PTPRO: variants seen among roughly 807,000 people sequenced by gnomAD.
PTPRO encodes receptor-type tyrosine-protein phosphatase O.
In PTPRO, 62 loss-of-function variants were observed where a neutral mutation model predicts 145.2. The observed-to-expected ratio is 0.43, with a 90% confidence interval of 0.35 to 0.53. The LOEUF (loss-of-function observed/expected upper bound fraction) is 0.53, where lower values mean the gene tolerates loss of function less well. PTPRO is among the 20% of genes least tolerant of loss of function. PTPRO has a pLI of 0.01. For missense variants in PTPRO, 1,345 were observed against 1,482.7 expected (o/e 0.91, Z 1.53); for synonymous variants, 565 against 514.7 (o/e 1.10, Z -1.32).
At chr12:15,350,339 G>T (rs1937761624) in intron 1 of PTPRO, among the ~76,000 whole-genome samples, 1 of 152,128 alleles carries the variant, frequency 6.6e-6, no homozygotes, top group Non-Finnish European at 1.5e-5. Flanking sequence ...TCCCGTGGAA[G>T]ACCTACTATG....
Position 15,416,444 on chromosome 12 carries a change from C to G in PTPRO, c.76-67530C>G, listed in dbSNP as rs548657415. ...ACACCATTCTCCTGCCTCAGCCTCCCGAGTAGCTGGGACTACAGGCGCCCA... is the reference window on the plus strand; with the variant it reads ...ACACCATTCTCCTGCCTCAGCCTCCGGAGTAGCTGGGACTACAGGCGCCCA... On this transcript the variant is annotated intron_variant, in intron 1 of 26. Transcript: ENST00000281171. Among the ~76,000 whole-genome samples the G allele has an allele frequency of 5.2e-4, 78 of 151,324 alleles. 2 individuals carry two copies. Among genetic ancestry groups the G allele is most frequent in the African/African-American group, 1.7e-3 (69 of 40,764 alleles).
chr12:15,443,073 A>G (rs770895697), intron 1 of PTPRO, among the ~76,000 whole-genome samples: 1 of 152,178 alleles, frequency 6.6e-6, no homozygotes, highest in Non-Finnish European at 1.5e-5. Flanking sequence ...ACTTCAAACT[A>G]CACTATATGC....
chr12:15,466,039 G>A (rs1037902931), intron 1 of PTPRO, among the ~76,000 whole-genome samples: 1 of 152,110 alleles, frequency 6.6e-6, no homozygotes, highest in Admixed American at 6.6e-5. Context: ...CAAAAGTATG[G>A]TTGAAAGAAG....
rs947265739 is a variant in PTPRO at position 15,597,590 on chromosome 12, C to T, written c.*1517C>T. The stretch of plus-strand genomic sequence containing the variant: ...CCAAATGAACAGCTCTGCACCCCAC[C>T]GTCTCTTGTCACTGAAAAGGCTTGG... On this transcript the variant is annotated 3_prime_UTR_variant, in exon 27 of 27. Coordinates refer to ENST00000281171, the MANE Select transcript of PTPRO (RefSeq NM_030667.3). 2.0e-5 allele frequency among the ~76,000 whole-genome samples: 3 copies of T among 152,174 alleles called. No homozygotes were observed. The highest frequency in any genetic ancestry group is 1.3e-4 in the Admixed American group (2 of 15,274).
At chr12:15,431,352 C>T (rs1940433218) in intron 1 of PTPRO, among the ~76,000 whole-genome samples, 1 of 152,120 alleles carries the variant, frequency 6.6e-6, no homozygotes, top group Non-Finnish European at 1.5e-5. Flanking sequence ...GAAGAATTTG[C>T]CTTCAAAAAT....
rs1019211240 is a variant in PTPRO at position 15,456,112 on chromosome 12, T to G, written c.76-27862T>G. On this transcript the variant is annotated intron_variant, in intron 1 of 26. Transcript: ENST00000281171. The stretch of plus-strand genomic sequence containing the variant: ...TATAATGTTAACTTTGAGCATTTCA[T>G]GTATGTCCTTTAGTATATTGAGTTA... Among the ~76,000 whole-genome samples the G allele has an allele frequency of 1.8e-4, 27 of 152,232 alleles. 1 individual carries two copies.
At chr12:15,502,309 C>T (rs1355187049) in intron 5 of PTPRO, among the ~76,000 whole-genome samples, 3 of 152,164 alleles carry the variant, frequency 2.0e-5, no homozygotes, top group Non-Finnish European at 2.9e-5. Context: ...CAACTGTATA[C>T]ATTTGACTGC....
intron 1 of PTPRO, among the ~76,000 whole-genome samples, chr12:15,373,119 G>A (rs939827804): frequency 3.3e-5 from 5 of 152,252 alleles, no homozygotes; most frequent in East Asian, 3.9e-4. Context: ...TTACAGTACC[G>A]ATGAGATGCT....
intron 25 of PTPRO, among the ~76,000 whole-genome samples, chr12:15,590,521 G>T (rs73297735): frequency 0.065 from 9,900 of 152,112 alleles, 1,066 homozygotes; most frequent in African/African-American, 0.23. Flanking sequence ...TTCCTACCCA[G>T]CACCACTAGA....
chr12:15,490,644 T>C (rs774857309), intron 2 of PTPRO, among the ~76,000 whole-genome samples: 1 of 152,140 alleles, frequency 6.6e-6, no homozygotes, highest in Non-Finnish European at 1.5e-5. Context: ...ATATGTAATA[T>C]TGGGATAATT....
chr12:15,546,275 A>G, intron 12 of PTPRO: 8 of 1,127,334 alleles, frequency 7.1e-6, no homozygotes, highest in South Asian at 2.0e-5. Context: ...TAACTTCAGT[A>G]TAAATGACAC....
chr12:15,536,207 A>G (rs997829021), intron 12 of PTPRO, among the ~76,000 whole-genome samples: 1 of 152,218 alleles, frequency 6.6e-6, no homozygotes, highest in Non-Finnish European at 1.5e-5. Flanking sequence ...AAACATAAAT[A>G]TAAGAATGTT....
At chr12:15,500,899 G>T (rs888557673) in intron 4 of PTPRO, among the ~76,000 whole-genome samples, 7 of 152,184 alleles carry the variant, frequency 4.6e-5, no homozygotes, top group African/African-American at 1.7e-4. Flanking sequence ...TCTAGCCTGG[G>T]CAACAGAGAG....
chr12:15,463,584 A>T (rs922512233), intron 1 of PTPRO, among the ~76,000 whole-genome samples: 1 of 152,214 alleles, frequency 6.6e-6, no homozygotes, highest in African/African-American at 2.4e-5. Flanking sequence ...ACCAGAAAAG[A>T]TGCAAAATAT....
At chr12:15,530,589 A>G (rs1442693131) in intron 12 of PTPRO, among the ~76,000 whole-genome samples, 2 of 152,204 alleles carry the variant, frequency 1.3e-5, no homozygotes, top group Admixed American at 6.5e-5. Flanking sequence ...AAAAATAAAC[A>G]AACACATGGA....
chr12:15,398,196 A>G (rs1022636048), intron 1 of PTPRO, among the ~76,000 whole-genome samples: 3 of 152,220 alleles, frequency 2.0e-5, no homozygotes, highest in Non-Finnish European at 2.9e-5. Flanking sequence ...TTAGGAGCAC[A>G]TAAATAGGCT....
At chr12:15,564,505 T>C (rs1271744687) in intron 17 of PTPRO, among the ~76,000 whole-genome samples, 2 of 152,206 alleles carry the variant, frequency 1.3e-5, no homozygotes, top group African/African-American at 2.4e-5. Flanking sequence ...TAGCAAGGTG[T>C]GTACCTGCAA....
At chr12:15,481,519 A>G (rs1941778633) in intron 1 of PTPRO, among the ~76,000 whole-genome samples, 1 of 152,192 alleles carries the variant, frequency 6.6e-6, no homozygotes, top group African/African-American at 2.4e-5. Flanking sequence ...GTTCATTCTC[A>G]ATGCCTATCT....
intron 1 of PTPRO, among the ~76,000 whole-genome samples, chr12:15,408,628 A>T (rs542995715): frequency 2.0e-5 from 3 of 152,180 alleles, no homozygotes; most frequent in Non-Finnish European, 2.9e-5. Context: ...GGGTTTCACC[A>T]TGTTGGCCAG....
Sources: allele counts gnomAD v4.1 joint callset (sites outside exome capture counted in the v4.1 genomes callset), GRCh38; gene constraint gnomAD v4.1.1; transcripts MANE v1.5; gene names NCBI Gene and HGNC (gene_info 2026-07-23, HGNC 2026-07-21).